TMIGD3: variants seen among roughly 807,000 people sequenced by gnomAD.
The protein encoded by TMIGD3 is transmembrane and immunoglobulin domain containing 3.
Under a neutral mutation model 28.1 loss-of-function variants are expected in TMIGD3, and 21 were observed. The observed-to-expected ratio is 0.75, with a 90% CI of 0.53 to 1.08. The LOEUF (loss-of-function observed/expected upper bound fraction) is 1.08, where lower values mean the gene tolerates loss of function less well. Ranked by LOEUF, TMIGD3 falls within the 50% of genes least tolerant of loss-of-function variation. The pLI, the probability that TMIGD3 is intolerant of heterozygous loss-of-function variation, is 0.00. For synonymous variants in TMIGD3, 151 were observed against 162.1 expected (o/e 0.93, Z 0.52); for missense variants, 416 against 435.6 (o/e 0.96, Z 0.40).
intron 1 of TMIGD3, among the ~76,000 whole-genome samples, chr1:111,494,274 C>A (rs1654791887): frequency 2.6e-5 from 4 of 152,220 alleles, no homozygotes; most frequent in Admixed American, 2.0e-4. Flanking sequence ...GTCAAACTAT[C>A]CATGTTTCTG....
intron 1 of TMIGD3, among the ~76,000 whole-genome samples, chr1:111,499,262 A>C (rs1002229836): frequency 1.3e-5 from 2 of 152,184 alleles, no homozygotes; most frequent in Non-Finnish European, 2.9e-5. Flanking sequence ...CATAAAGCTG[A>C]CAAATGCTCT....
rs112156285 is a variant in TMIGD3 at position 111,485,432 on chromosome 1, G to A, written c.973+308C>T. 4.0e-3 allele frequency: 1,179 copies of A among 291,720 alleles called. 14 individuals carry two copies. Among genetic ancestry groups the A allele is most frequent in the African/African-American group, 0.019 (884 of 46,082 alleles). 18.1% of individuals were successfully genotyped at this position (291,720 alleles called of 1,614,324 possible). Reference sequence around the variant, plus strand: ...AAGCTCATTCCTTCGACAGGAGCCCGAAGTTTGTGTGCTGGGGAGGTAGGT... The same window carrying A: ...AAGCTCATTCCTTCGACAGGAGCCCAAAGTTTGTGTGCTGGGGAGGTAGGT... On this transcript the variant is annotated intron_variant, in intron 5 of 5. Transcript: ENST00000369716.
chr1:111,550,260 C>A (rs2101034770), intron 1 of TMIGD3, among the ~76,000 whole-genome samples: 1 of 152,140 alleles, frequency 6.6e-6, no homozygotes, highest in Non-Finnish European at 1.5e-5. Flanking sequence ...ATTTTGTTGA[C>A]CTTTTAAAAG....
At chr1:111,489,480 T>C in intron 2 of TMIGD3, 1 of 815,558 alleles carries the variant, frequency 1.2e-6, no homozygotes, top group Non-Finnish European at 1.5e-6. Flanking sequence ...CTTCATAACA[T>C]AAGGAAATAA....
chr1:111,532,784 G>C (rs573558298), intron 1 of TMIGD3, among the ~76,000 whole-genome samples: 1 of 152,246 alleles, frequency 6.6e-6, no homozygotes, highest in South Asian at 2.1e-4. Flanking sequence ...GGAAGGCCCC[G>C]GCATGAAAGG....
chr1:111,534,336 T>C (rs1160389732), intron 1 of TMIGD3, among the ~76,000 whole-genome samples: 2 of 152,156 alleles, frequency 1.3e-5, no homozygotes, highest in East Asian at 1.9e-4. Context: ...TGACAGCATA[T>C]CACAAAACAT....
chr1:111,538,532 C>T (rs1184450992), intron 1 of TMIGD3, among the ~76,000 whole-genome samples: 2 of 152,196 alleles, frequency 1.3e-5, no homozygotes, highest in Non-Finnish European at 2.9e-5. Flanking sequence ...GGGGCATCTA[C>T]CACTATTCAT....
upstream of TMIGD3, chr1:111,503,822 G>A (rs1431491952): frequency 7.0e-6 from 7 of 1,003,240 alleles, no homozygotes; most frequent in Non-Finnish European, 7.2e-6. Context: ...GAGCAGAAGA[G>A]GAGCCATGAG....
intron 1 of TMIGD3, among the ~76,000 whole-genome samples, chr1:111,556,641 A>G (rs1657502875): frequency 6.6e-6 from 1 of 152,232 alleles, no homozygotes; most frequent in South Asian, 2.1e-4. Flanking sequence ...AAGTGAAATA[A>G]GTCAGTCACA....
intron 1 of TMIGD3, among the ~76,000 whole-genome samples, chr1:111,561,972 G>C (rs1442820098): frequency 6.6e-6 from 1 of 151,960 alleles, no homozygotes; most frequent in East Asian, 1.9e-4. Context: ...GTCATCCCTA[G>C]TTTAAATTTC....
chr1:111,510,011 A>G (rs1257524066), intron 1 of TMIGD3, among the ~76,000 whole-genome samples: 3 of 152,242 alleles, frequency 2.0e-5, no homozygotes, highest in Non-Finnish European at 4.4e-5. Flanking sequence ...TCCAATATCA[A>G]TTATGCCAAA....
intron 1 of TMIGD3, among the ~76,000 whole-genome samples, chr1:111,516,719 G>A (rs1655880102): frequency 6.6e-6 from 1 of 152,198 alleles, no homozygotes; most frequent in Non-Finnish European, 1.5e-5. Context: ...TTGAAAGAGA[G>A]TAGGCAGGCC....
At chr1:111,494,106 T>A (rs949001132) in intron 1 of TMIGD3, among the ~76,000 whole-genome samples, 3 of 152,220 alleles carry the variant, frequency 2.0e-5, no homozygotes, top group African/African-American at 7.2e-5. Context: ...CAATAAATAG[T>A]AAGCCAGCCT....
At position 111,483,621 on chromosome 1, in the gene TMIGD3, G is replaced by A. The variant is rs1654221571; in HGVS notation, c.*66C>T. ...ATCAGAATCAGTCTCTGAGGTGTGG[G>A]CCAGTTGTCATGGTGATTATTCTGT... On this transcript the variant is annotated 3_prime_UTR_variant, in exon 6 of 6. Coordinates refer to ENST00000369716, the MANE Select transcript of TMIGD3 (RefSeq NM_020683.7). 3 of 1,276,332 alleles carry A rather than the reference G, an allele frequency of 2.4e-6. No homozygotes were observed. The highest frequency in any genetic ancestry group is 3.4e-6 in the Non-Finnish European group (3 of 881,720). 79.1% of individuals were successfully genotyped at this position (1,276,332 alleles called of 1,614,324 possible).
chr1:111,529,316 C>T (rs1002661734), intron 1 of TMIGD3, among the ~76,000 whole-genome samples: 7 of 151,982 alleles, frequency 4.6e-5, no homozygotes, highest in Non-Finnish European at 7.4e-5. Context: ...TCCTTTGGAA[C>T]TTCCTTACCT....
In TMIGD3 at chr1:111,503,501, T is replaced by C; in HGVS notation, c.-147A>G. 6.9e-7 allele frequency: 1 copy of C among 1,440,758 alleles called. No homozygotes were observed. The highest frequency in any genetic ancestry group is 9.1e-7 in the Non-Finnish European group (1 of 1,098,128). The allele number at this position is 1,440,758 out of a possible 1,614,324, so 89.2% of individuals were successfully genotyped here. A position where few individuals can be genotyped will look rare whatever the true frequency, so the allele number is the denominator to read the frequency against. On this transcript the variant is annotated 5_prime_UTR_variant, in exon 1 of 6. Transcript: ENST00000369716. ...ATTCCCAACTTGCTCATTCCTACCC[T>C]TTTCTGGTGGGGTGATCTCTTGGAA...
chr1:111,563,350 T>C (rs1213818215), intron 1 of TMIGD3, among the ~76,000 whole-genome samples: 2 of 152,226 alleles, frequency 1.3e-5, no homozygotes, highest in Non-Finnish European at 2.9e-5. Context: ...GCTTACTGTC[T>C]ATCTGGGGAG....
intron 4 of TMIGD3, among the ~76,000 whole-genome samples, chr1:111,486,185 C>T (rs896529547): frequency 2.0e-5 from 3 of 152,076 alleles, no homozygotes; most frequent in Non-Finnish European, 4.4e-5. Context: ...GAGAAATATA[C>T]AAGGGCAATA....
intron 1 of TMIGD3, among the ~76,000 whole-genome samples, chr1:111,527,539 G>C (rs1275786534): frequency 1.3e-5 from 2 of 152,156 alleles, no homozygotes; most frequent in Non-Finnish European, 2.9e-5. Context: ...GAACATGATT[G>C]CTTGATTGTA....
Sources: allele counts gnomAD v4.1 joint callset (sites outside exome capture counted in the v4.1 genomes callset), GRCh38; gene constraint gnomAD v4.1.1; transcripts MANE v1.5; gene names NCBI Gene and HGNC (gene_info 2026-07-23, HGNC 2026-07-21).